Variants in AGBL1 observed in about 807,000 individuals in gnomAD.
AGBL1 encodes cytosolic carboxypeptidase 4.
A neutral mutation model predicts 118.9 loss-of-function variants in AGBL1; 130 were observed. The observed-to-expected ratio is 1.09, with a 90% CI of 0.95 to 1.26. AGBL1 has a LOEUF of 1.26. AGBL1 is among the 50% of genes most tolerant of loss of function. The pLI is 0.00. For synonymous variants in AGBL1, 555 were observed against 478.9 expected, an observed-to-expected ratio of 1.16 and a Z score of -2.08; for missense variants, 1,584 against 1,298.1, an observed-to-expected ratio of 1.22 and a Z score of -3.38.
chr15:87,008,066 T>A lies in AGBL1; in HGVS notation c.3323+19978T>A, dbSNP rs375055866. ...GGTTAGTTTTAGGTGTCAACTTGAC[T>A]GGATTAAGAAATATGCAGATAGCTG... On this transcript the variant is annotated intron_variant, in intron 24 of 24. Transcript: ENST00000441037. 2.6e-5 allele frequency among the ~76,000 whole-genome samples: 4 copies of A among 152,304 alleles called. No individual in the cohort carries two copies. The East Asian group carries it at 7.7e-4, about 29-fold the overall frequency.
At chr15:86,204,451 G>A (rs974458829) in intron 5 of AGBL1, among the ~76,000 whole-genome samples, 6 of 151,888 alleles carry the variant, frequency 4.0e-5, no homozygotes, top group South Asian at 2.1e-4. Context: ...CCATCAGAGT[G>A]GTGCATTGAT....
At chr15:86,259,813 T>C (rs767718370) in intron 9 of AGBL1, among the ~76,000 whole-genome samples, 2 of 152,236 alleles carry the variant, frequency 1.3e-5, no homozygotes, top group African/African-American at 2.4e-5. Context: ...TGCTCTTTGA[T>C]AACTGAATGT....
chr15:86,827,027 A>C (rs1157214982), intron 22 of AGBL1, among the ~76,000 whole-genome samples: 1 of 151,578 alleles, frequency 6.6e-6, no homozygotes, highest in Non-Finnish European at 1.5e-5. Flanking sequence ...CCCCATAAGG[A>C]AGAGCCCTAC....
At chr15:86,498,382 G>T (rs973541916) in intron 18 of AGBL1, among the ~76,000 whole-genome samples, 4 of 151,872 alleles carry the variant, frequency 2.6e-5, no homozygotes, top group Admixed American at 2.6e-4. Context: ...CACCATACAT[G>T]CTTCTTCAAT....
intron 18 of AGBL1, among the ~76,000 whole-genome samples, chr15:86,439,816 G>A (rs776876842): frequency 5.3e-5 from 8 of 152,094 alleles, no homozygotes; most frequent in Admixed American, 2.6e-4. Flanking sequence ...GGCCTCAGTC[G>A]CTCAAACAGC....
chr15:86,364,958 C>CATATATATATAT (rs72116454), intron 17 of AGBL1, among the ~76,000 whole-genome samples: 68 of 76,140 alleles, frequency 8.9e-4, no homozygotes, highest in African/African-American at 1.8e-3. Context: ...ATATGTCACA[C>CATATATATATAT]ATATATATAT....
chr15:86,142,019 G>T lies in AGBL1; in HGVS notation c.67G>T (p.Glu23Ter), dbSNP rs919419092. The T allele has an allele frequency of 4.5e-6, 7 of 1,550,008 alleles. No homozygotes were observed. In the Admixed American group the frequency reaches 1.4e-4, roughly 30 times the overall value. ...LHTLQSSSDKESILTILKVLG... is the reference protein window; with the variant it reads ...LHTLQSSSDK ...CTCATTGCAGAGCTCCTCTGACAAG[G>T]AGTCCATCCTGACCATCCTCAAGGT... Residue 23 changes from glutamate (E) to a stop codon, truncating the protein, a stop_gained, in exon 2 of 23, where the codon GAG becomes TAG. Transcript: ENST00000614907. LOFTEE classifies it high-confidence loss of function.
chr15:86,196,746 AAAGTT>A (rs2077809518), intron 5 of AGBL1, among the ~76,000 whole-genome samples: 1 of 152,270 alleles, frequency 6.6e-6, no homozygotes, highest in South Asian at 2.1e-4. Context: ...CTTTAGGAGT[AAAGTT>A]AAGTGAGGTC....
chr15:86,344,430 C>T (rs547705282), intron 17 of AGBL1, among the ~76,000 whole-genome samples: 52 of 152,248 alleles, frequency 3.4e-4, no homozygotes, highest in South Asian at 8.3e-4. Flanking sequence ...ACACCATTCC[C>T]ATCAACATCT....
intron 22 of AGBL1, among the ~76,000 whole-genome samples, chr15:86,727,268 T>G (rs888203324): frequency 1.4e-4 from 21 of 152,118 alleles, no homozygotes; most frequent in African/African-American, 4.8e-4. Flanking sequence ...GACACTAAAA[T>G]TCAGACTTAG....
chr15:86,832,594 C>T (rs1325059452), intron 22 of AGBL1, among the ~76,000 whole-genome samples: 1 of 152,190 alleles, frequency 6.6e-6, no homozygotes, highest in Admixed American at 6.5e-5. Context: ...TAGAAAGAGT[C>T]ACACTTTTGC....
intron 16 of AGBL1, among the ~76,000 whole-genome samples, chr15:86,281,229 C>G (rs765854001): frequency 6.6e-6 from 1 of 152,058 alleles, no homozygotes; most frequent in African/African-American, 2.4e-5. Flanking sequence ...ACAAAAAATA[C>G]AAAAATTAGC....
chr15:86,553,841 C>G (rs186352390), intron 20 of AGBL1, among the ~76,000 whole-genome samples: 1 of 151,044 alleles, frequency 6.6e-6, no homozygotes, highest in African/African-American at 2.4e-5. Flanking sequence ...TTATGGTTTT[C>G]TGGACTTCAG....
At chr15:86,701,285 G>T (rs544660704) in intron 22 of AGBL1, among the ~76,000 whole-genome samples, 1 of 152,074 alleles carries the variant, frequency 6.6e-6, no homozygotes, top group South Asian at 2.1e-4. Flanking sequence ...AGAGAGTGGT[G>T]TGTGTTGGAG....
At position 87,017,657 on chromosome 15, in the gene AGBL1, A is replaced by T. The variant is rs2081621088; in HGVS notation, c.3324-11168A>T. Among the ~76,000 whole-genome samples the T allele has an allele frequency of 2.0e-5, 3 of 152,288 alleles. No homozygotes were observed. The South Asian group carries it at 6.2e-4, about 32-fold the overall frequency. ...TCCTTTCCAGGGTCAGCAGCCTCAA[A>T]GATGGAAGGTAGTTAACCCCACAAA... On this transcript the variant is annotated intron_variant, in intron 24 of 24. Transcript: ENST00000441037.
intron 18 of AGBL1, among the ~76,000 whole-genome samples, chr15:86,506,910 G>T (rs2082984175): frequency 1.3e-5 from 2 of 151,920 alleles, no homozygotes; most frequent in African/African-American, 4.8e-5. Context: ...TTTTTCTTAA[G>T]GAATATTATT....
intron 22 of AGBL1, among the ~76,000 whole-genome samples, chr15:86,882,857 CTTTTCTTTT>C (rs1349244927): frequency 1.3e-5 from 2 of 152,120 alleles, no homozygotes; most frequent in African/African-American, 2.4e-5. Context: ...TCTTTTCTCT[CTTTTCTTTT>C]TAAAAACATA....
chr15:87,029,944 A>G (rs1021075831), downstream of AGBL1, among the ~76,000 whole-genome samples: 2 of 152,002 alleles, frequency 1.3e-5, no homozygotes, highest in Non-Finnish European at 2.9e-5. Context: ...TAATGAAGAT[A>G]CATAAAGAAA....
At chr15:86,568,297 T>C (rs1281746070) in intron 21 of AGBL1, among the ~76,000 whole-genome samples, 3 of 152,120 alleles carry the variant, frequency 2.0e-5, no homozygotes, top group Non-Finnish European at 2.9e-5. Flanking sequence ...TCTGTGTAAG[T>C]TTTCTGGGGA....
Sources: allele counts gnomAD v4.1 joint callset (sites outside exome capture counted in the v4.1 genomes callset), GRCh38; gene constraint gnomAD v4.1.1; transcripts MANE v1.5; gene names NCBI Gene and HGNC (gene_info 2026-07-23, HGNC 2026-07-21).